Variants in CSMD3 observed in about 807,000 individuals in gnomAD.
CSMD3 encodes the protein CUB and sushi domain-containing protein 3.
Under a neutral mutation model 435.2 loss-of-function variants are expected in CSMD3, and 177 were observed. That is an observed-to-expected ratio of 0.41 (90% confidence interval 0.36 to 0.46). The LOEUF (loss-of-function observed/expected upper bound fraction) is 0.46, where lower values mean the gene tolerates loss of function less well. Ranked by LOEUF, CSMD3 falls within the 20% of genes least tolerant of loss-of-function variation. The probability of loss-of-function intolerance (pLI) is 0.34; values close to 1 mark genes in which losing one functional copy is unlikely to be tolerated. For missense variants in CSMD3, 4,265 were observed against 4,504.6 expected (o/e 0.95, Z 1.52); for synonymous variants, 1,656 against 1,520.5 (o/e 1.09, Z -2.07).
At chr8:112,894,207 T>C (rs189038053) in intron 10 of CSMD3, among the ~76,000 whole-genome samples, 1 of 151,642 alleles carries the variant, frequency 6.6e-6, no homozygotes, top group African/African-American at 2.4e-5. Flanking sequence ...TTCAGGATTA[T>C]AGCCTCAACT....
intron 1 of CSMD3, among the ~76,000 whole-genome samples, chr8:113,434,164 G>A (rs1586198589): frequency 6.6e-6 from 1 of 152,196 alleles, no homozygotes; most frequent in Non-Finnish European, 1.5e-5. Context: ...GTGGAGGGAT[G>A]AAAACTGTAG....
rs948087359 is a variant in CSMD3 at position 112,318,764 on chromosome 8, C to A, written c.7360+73G>T. 3 of 952,408 alleles carry A rather than the reference C, an allele frequency of 3.1e-6. No homozygotes were observed. In the African/African-American group the frequency reaches 5.0e-5, roughly 16 times the overall value. 59.0% of individuals were successfully genotyped at this position (952,408 alleles called of 1,614,324 possible). On this transcript the variant is annotated intron_variant, in intron 47 of 70. Coordinates refer to ENST00000297405, the MANE Select transcript of CSMD3 (RefSeq NM_198123.2). ...ATTTCATATTTATATAGATTTTTCT[C>A]AATCATACCTATATTAAGTTAAACA...
intron 32 of CSMD3, among the ~76,000 whole-genome samples, chr8:112,450,548 G>A (rs529115512): frequency 6.6e-6 from 1 of 152,280 alleles, no homozygotes; most frequent in Non-Finnish European, 1.5e-5. Context: ...AAGGGTGGTT[G>A]GAGAGTTTGA....
At chr8:113,369,981 G>T (rs530511891) in intron 1 of CSMD3, among the ~76,000 whole-genome samples, 9 of 151,840 alleles carry the variant, frequency 5.9e-5, no homozygotes, top group African/African-American at 2.2e-4. Context: ...AACTTCAAGA[G>T]ATCTATTGTA....
chr8:112,439,292 C>G (rs1021538146), intron 32 of CSMD3, among the ~76,000 whole-genome samples: 3 of 152,076 alleles, frequency 2.0e-5, no homozygotes, highest in African/African-American at 7.2e-5. Context: ...AGGTGCCCAC[C>G]ACCATGCCTG....
chr8:112,848,168 GA>G (rs1255600670), intron 11 of CSMD3, among the ~76,000 whole-genome samples: 1 of 152,060 alleles, frequency 6.6e-6, no homozygotes, highest in Non-Finnish European at 1.5e-5. Flanking sequence ...GTTTCAGAAT[GA>G]TATGAAATGT....
intron 30 of CSMD3, among the ~76,000 whole-genome samples, chr8:112,494,016 GCTA>G (rs1299215702): frequency 7.2e-5 from 11 of 151,964 alleles, no homozygotes; most frequent in Non-Finnish European, 1.5e-4. Flanking sequence ...TTGGTGTTTG[GCTA>G]CTACAAACAT....
intron 23 of CSMD3, among the ~76,000 whole-genome samples, chr8:112,582,638 A>G (rs1468273910): frequency 6.6e-6 from 1 of 152,012 alleles, no homozygotes; most frequent in East Asian, 1.9e-4. Context: ...GCATAACATG[A>G]AAAAGGGTCA....
At chr8:112,651,541 A>ATTTTTTTTTTTTTTTT (rs1254096334) in intron 18 of CSMD3, among the ~76,000 whole-genome samples, 1 of 137,284 alleles carries the variant, frequency 7.3e-6, no homozygotes. Flanking sequence ...CACCCAGTGC[A>ATTTTTTTTTTTTTTTT]TTTTTTTTTT....
Position 113,264,751 on chromosome 8 carries a change from T to C in CSMD3, c.514+13841A>G, listed in dbSNP as rs190718051. On this transcript the variant is annotated intron_variant, in intron 3 of 70. Transcript: ENST00000297405. ...ATAAAAGGCTATTTTCCCTAAACCT[T>C]AATTATTTAATGTAAATATGTATGA... Among the ~76,000 whole-genome samples the C allele has an allele frequency of 1.6e-4, 25 of 151,804 alleles. No homozygotes were observed. The East Asian group carries it at 4.8e-3, about 29-fold the overall frequency.
chr8:112,403,960 T>A (rs1480532184), intron 35 of CSMD3, among the ~76,000 whole-genome samples: 1 of 152,100 alleles, frequency 6.6e-6, no homozygotes, highest in African/African-American at 2.4e-5. Flanking sequence ...AATAACAGAA[T>A]AATACAAGAA....
chr8:112,225,384 G>A (rs1014907633), intron 70 of CSMD3, among the ~76,000 whole-genome samples: 2 of 151,814 alleles, frequency 1.3e-5, no homozygotes, highest in Non-Finnish European at 2.9e-5. Context: ...TACTTTCAGG[G>A]AGTTCACATT....
chr8:112,603,315 A>C (rs1185583599), intron 22 of CSMD3, among the ~76,000 whole-genome samples: 1 of 152,256 alleles, frequency 6.6e-6, no homozygotes, highest in Non-Finnish European at 1.5e-5. Flanking sequence ...TATCTGAGAA[A>C]TTACACAAAT....
At chr8:113,121,849 A>T (rs1214220158) in intron 4 of CSMD3, among the ~76,000 whole-genome samples, 1 of 152,152 alleles carries the variant, frequency 6.6e-6, no homozygotes, top group African/African-American at 2.4e-5. Context: ...TAAAATAAAT[A>T]TTTCTTCAAA....
intron 1 of CSMD3, among the ~76,000 whole-genome samples, chr8:113,336,277 ATTC>A (rs1588543871): frequency 6.6e-6 from 1 of 151,266 alleles, no homozygotes; most frequent in Non-Finnish European, 1.5e-5. Context: ...TACATGTTCT[ATTC>A]TTTGCTGAAA....
At chr8:112,260,450 T>A (rs1816271031) in intron 61 of CSMD3, among the ~76,000 whole-genome samples, 1 of 152,196 alleles carries the variant, frequency 6.6e-6, no homozygotes, top group Non-Finnish European at 1.5e-5. Context: ...AGAAATGATA[T>A]ACGTAAAGCA....
chr8:113,060,020 T>A (rs903630122), intron 5 of CSMD3, among the ~76,000 whole-genome samples: 18 of 150,290 alleles, frequency 1.2e-4, no homozygotes, highest in Non-Finnish European at 2.4e-4. Context: ...TACTCTAAGT[T>A]TTAGGGTACA....
chr8:113,156,387 T>C (rs564062255), intron 4 of CSMD3, among the ~76,000 whole-genome samples: 92 of 152,258 alleles, frequency 6.0e-4, no homozygotes, highest in African/African-American at 2.1e-3. Context: ...TTTGTAATTA[T>C]ATGCTTATTT....
chr8:112,746,348 T>G (rs72678493), intron 13 of CSMD3, among the ~76,000 whole-genome samples: 1 of 152,110 alleles, frequency 6.6e-6, no homozygotes, highest in Non-Finnish European at 1.5e-5. Flanking sequence ...ATCTTAGCTA[T>G]AGTGAGTGGT....
Sources: allele counts gnomAD v4.1 joint callset (sites outside exome capture counted in the v4.1 genomes callset), GRCh38; gene constraint gnomAD v4.1.1; transcripts MANE v1.5; gene names NCBI Gene and HGNC (gene_info 2026-07-23, HGNC 2026-07-21).